The following IL17D variants were observed in gnomAD, a reference collection of about 807,000 sequenced individuals.
IL17D encodes interleukin 17D, also known as interleukin-17D.
In IL17D, 10 loss-of-function variants were observed where a neutral mutation model predicts 5.7. That is an observed-to-expected ratio of 1.75 (90% CI 1.08 to 2.97). IL17D has a LOEUF of 2.97. IL17D is among the 30% of genes most tolerant of loss of function. The pLI is 0.00. For synonymous variants in IL17D, 172 were observed against 141.7 expected (o/e 1.21, Z -1.52); for missense variants, 354 against 292.7 (o/e 1.21, Z -1.53).
chr13:20,702,667 G>C (rs1341100445), upstream of IL17D: 1 of 152,134 alleles, frequency 6.6e-6, no homozygotes, highest in African/African-American at 2.4e-5. Flanking sequence ...CTTGCACTTA[G>C]AACTGAGTTA....
chr13:20,719,523 A>C (rs986092257), intron 1 of IL17D, among the ~76,000 whole-genome samples: 2 of 152,176 alleles, frequency 1.3e-5, no homozygotes. Flanking sequence ...TCACGGTCAA[A>C]TTTCTGTATT....
intron 1 of IL17D, among the ~76,000 whole-genome samples, chr13:20,718,580 CCT>C: frequency 7.0e-6 from 1 of 142,834 alleles, no homozygotes; most frequent in African/African-American, 2.6e-5. Context: ...CATGCTCACA[CCT>C]GCCCCCACAC....
At chr13:20,715,690 T>A (rs535799677) in intron 1 of IL17D, among the ~76,000 whole-genome samples, 43 of 152,198 alleles carry the variant, frequency 2.8e-4, no homozygotes, top group African/African-American at 8.7e-4. Flanking sequence ...GCATTAAAAA[T>A]TTTTTTTAAC....
At chr13:20,719,290 G>C (rs1322673982) in intron 1 of IL17D, among the ~76,000 whole-genome samples, 1 of 110,560 alleles carries the variant, frequency 9.0e-6, no homozygotes, top group Admixed American at 9.0e-5. Context: ...CCCACGCTCA[G>C]ACACCTGCCC....
chr13:20,719,243 A>G (rs959771386), intron 1 of IL17D, among the ~76,000 whole-genome samples: 51 of 142,788 alleles, frequency 3.6e-4, no homozygotes, highest in African/African-American at 1.4e-3. Context: ...GCTTACACGC[A>G]CCTGCCCAAA....
At chr13:20,715,141 C>T (rs1241233903) in intron 1 of IL17D, among the ~76,000 whole-genome samples, 1 of 152,184 alleles carries the variant, frequency 6.6e-6, no homozygotes, top group East Asian at 1.9e-4. Context: ...TGACTCATTA[C>T]TTCTCTTAAA....
At chr13:20,708,843 C>CAAAAAAAA (rs10644027) in intron 1 of IL17D, among the ~76,000 whole-genome samples, 3 of 111,840 alleles carry the variant, frequency 2.7e-5, no homozygotes, top group African/African-American at 6.8e-5. Context: ...ACTAAAAATA[C>CAAAAAAAA]AAAAAAAAAA....
chr13:20,706,393 G>A (rs2141382026), intron 1 of IL17D, among the ~76,000 whole-genome samples: 1 of 152,382 alleles, frequency 6.6e-6, no homozygotes. Context: ...CTGGACAGAA[G>A]CTGCTGGCCC....
At chr13:20,715,646 G>A (rs1016155679) in intron 1 of IL17D, among the ~76,000 whole-genome samples, 7 of 152,164 alleles carry the variant, frequency 4.6e-5, no homozygotes, top group Non-Finnish European at 8.8e-5. Flanking sequence ...GAGAGCTTCC[G>A]ACTCCTTGGA....
chr13:20,717,891 T>C (rs973719177), intron 1 of IL17D, among the ~76,000 whole-genome samples: 10 of 152,124 alleles, frequency 6.6e-5, no homozygotes, highest in Non-Finnish European at 1.2e-4. Flanking sequence ...CGCATCCAAG[T>C]GACTGTCAGT....
chr13:20,709,825 A>C (rs1422687740), intron 1 of IL17D, among the ~76,000 whole-genome samples: 1 of 152,238 alleles, frequency 6.6e-6, no homozygotes, highest in Non-Finnish European at 1.5e-5. Flanking sequence ...ATGAAGCTTC[A>C]GCACAAACAA....
At chr13:20,719,765 G>A (rs1015171322) in intron 1 of IL17D, among the ~76,000 whole-genome samples, 1 of 152,126 alleles carries the variant, frequency 6.6e-6, no homozygotes, top group Non-Finnish European at 1.5e-5. Context: ...TCTGCCCTAG[G>A]ATCCAACCTC....
At chr13:20,721,425 C>A (rs1446066521) in intron 1 of IL17D, among the ~76,000 whole-genome samples, 1 of 152,226 alleles carries the variant, frequency 6.6e-6, no homozygotes, top group East Asian at 1.9e-4. Flanking sequence ...AGTTTTCCGG[C>A]CTGGCTCAGG....
At chr13:20,709,123 G>A (rs946648245) in intron 1 of IL17D, among the ~76,000 whole-genome samples, 1 of 148,060 alleles carries the variant, frequency 6.8e-6, no homozygotes, top group Non-Finnish European at 1.5e-5. Flanking sequence ...TGCATGTGGA[G>A]ACTATACTAA....
At position 20,704,112 on chromosome 13, in the gene IL17D, G is replaced by A; in HGVS notation, c.111G>A (p.Glu37=). The change falls in exon 1 of 2, where the codon GAG becomes GAA. Residue 37 remains glutamate (E), a synonymous_variant. Transcript: ENST00000682841. ...GGGGCTGCGCGGACCGGCCGGAGGA[G>A]CTACTGGAGCAGCTGTACGGGCGCC... is the stretch of plus-strand genomic sequence containing the variant. ...RPRGCADRPE[E]LLEQLYGRLA... is the part of the protein sequence containing the mutation. 7.7e-7 allele frequency: 1 copy of A among 1,299,180 alleles called. No homozygotes were observed. The highest frequency in any genetic ancestry group is 9.9e-7 in the Non-Finnish European group (1 of 1,012,014). The allele number at this position is 1,299,180 out of a possible 1,614,324, so 80.5% of individuals were successfully genotyped here.
intron 1 of IL17D, 140 bp from the exon 2 acceptor site, chr13:20,721,495 CG>C (rs1566522383): frequency 6.3e-6 from 4 of 633,660 alleles, no homozygotes; most frequent in East Asian, 2.9e-5. Context: ...CTGTTGTCGG[CG>C]GGGGGCCTCG....
chr13:20,703,307 T>TCC (rs1056355934), upstream of IL17D: 2 of 986,326 alleles, frequency 2.0e-6, no homozygotes, highest in African/African-American at 3.5e-5. Flanking sequence ...GGGGAGAAGA[T>TCC]GTTGGGGGCA....
chr13:20,712,991 T>TCCTCCCTC (rs753449765), intron 1 of IL17D: 1 of 150,572 alleles, frequency 6.6e-6, no homozygotes, highest in Non-Finnish European at 1.5e-5. Flanking sequence ...CTTCCTTCCT[T>TCCTCCCTC]CCTCCCTCCC....
At chr13:20,719,716 C>T (rs1024185402) in intron 1 of IL17D, among the ~76,000 whole-genome samples, 2 of 152,196 alleles carry the variant, frequency 1.3e-5, no homozygotes, top group African/African-American at 4.8e-5. Flanking sequence ...CTATTATCTG[C>T]CCCGCAGGCC....
Sources: allele counts gnomAD v4.1 joint callset (sites outside exome capture counted in the v4.1 genomes callset), GRCh38; gene constraint gnomAD v4.1.1; transcripts MANE v1.5; gene names NCBI Gene and HGNC (gene_info 2026-07-23, HGNC 2026-07-21).